The following ATG16L1 variants were observed in gnomAD, a reference collection of about 807,000 sequenced individuals.
ATG16L1 encodes the protein autophagy related 16 like 1.
ATG16L1 carries 37 observed loss-of-function variants against 88.5 expected under a neutral mutation model. The observed-to-expected ratio is 0.42, with a 90% CI of 0.32 to 0.55. The LOEUF (loss-of-function observed/expected upper bound fraction) is 0.55, where lower values mean the gene tolerates loss of function less well. ATG16L1 is among the 20% of genes least tolerant of loss of function. The pLI is 0.13. For missense variants in ATG16L1, 554 were observed against 752.8 expected (o/e 0.74, Z 3.09); for synonymous variants, 301 against 281.0 (o/e 1.07, Z -0.71).
chr2:233,274,741 A>G lies in ATG16L1; in HGVS notation c.917A>G (p.Lys306Arg). The part of the protein sequence containing the change: ...DNVDTHPGSG[K>R]EVRVPATALC... ...GTGGATACTCATCCTGGTTCTGGTA[A>G]AGAAGTGAGGGTACCAGCTACTGCC... Residue 306 changes from lysine to arginine, a missense_variant, in exon 9 of 18, where the codon AAA (lysine) becomes AGA (arginine). By Grantham distance (26) the Lys-to-Arg change is conservative. Coordinates refer to ENST00000392017, the MANE Select transcript of ATG16L1 (RefSeq NM_030803.7). The G allele has an allele frequency of 6.2e-7, 1 of 1,612,858 alleles. No individual in the cohort carries two copies. Among genetic ancestry groups the G allele is most frequent in the Non-Finnish European group, 8.5e-7 (1 of 1,178,986 alleles).
intron 2 of ATG16L1, among the ~76,000 whole-genome samples, chr2:233,260,270 G>A (rs573236333): frequency 3.3e-5 from 5 of 152,334 alleles, no homozygotes; most frequent in African/African-American, 9.6e-5. Flanking sequence ...TTTATTCTAA[G>A]CACGGTTCCT....
At chr2:233,289,377 A>ATTGTGTGTGTGTGTG (rs1553608984) in intron 12 of ATG16L1, among the ~76,000 whole-genome samples, 1 of 129,060 alleles carries the variant, frequency 7.7e-6, no homozygotes, top group Admixed American at 7.7e-5. Flanking sequence ...CCTGTTTGGG[A>ATTGTGTGTGTGTGTG]TGTGTGTGTG....
At chr2:233,291,847 T>C (rs564980979) in intron 14 of ATG16L1, among the ~76,000 whole-genome samples, 18 of 152,326 alleles carry the variant, frequency 1.2e-4, no homozygotes, top group Admixed American at 9.2e-4. Flanking sequence ...CCTAGTTAGC[T>C]CATGCTGATC....
rs1420735648 is a variant in ATG16L1 at position 233,290,037 on chromosome 2, T to C, written c.1324+63T>C. 4.4e-6 allele frequency: 7 copies of C among 1,597,658 alleles called. No individual in the cohort carries two copies. The East Asian group carries it at 1.1e-4, about 26-fold the overall frequency. Reference sequence around the variant, plus strand: ...AGATGTTAGCGTGGAGGTGTGTGTTTGCACGTCAGAGCCTGCATTTATGTA... The same window carrying C: ...AGATGTTAGCGTGGAGGTGTGTGTTCGCACGTCAGAGCCTGCATTTATGTA... On this transcript the variant is annotated intron_variant, in intron 13 of 17. Coordinates refer to ENST00000392017, the MANE Select transcript of ATG16L1 (RefSeq NM_030803.7).
intron 4 of ATG16L1, among the ~76,000 whole-genome samples, chr2:233,264,669 G>A (rs1050468979): frequency 1.3e-5 from 2 of 152,098 alleles, no homozygotes; most frequent in Admixed American, 6.5e-5. Flanking sequence ...TCTAAGCATC[G>A]AAAGTTTCTC....
intron 5 of ATG16L1, among the ~76,000 whole-genome samples, chr2:233,266,394 A>G (rs1170960496): frequency 3.3e-5 from 5 of 152,170 alleles, no homozygotes; most frequent in African/African-American, 9.7e-5. Flanking sequence ...AGTAGGTTAA[A>G]GCAACAGTGA....
intron 1 of ATG16L1, among the ~76,000 whole-genome samples, chr2:233,253,332 G>GTTTTTTTTTTTTTTTTT (rs570754671): frequency 3.5e-5 from 4 of 112,890 alleles, no homozygotes; most frequent in African/African-American, 1.0e-4. Context: ...GTGAGACTGG[G>GTTTTTTTTTTTTTTTTT]TTTTTTTGTT....
At position 233,274,711 on chromosome 2, in the gene ATG16L1, A is replaced by G. The variant is rs1197262857; in HGVS notation, c.887A>G (p.Asp296Gly). Residue 296 changes from aspartate (D) to glycine (G), a missense_variant, in exon 9 of 18, where the codon GAC becomes GGC. Asp to Gly is a moderately conservative substitution (Grantham distance 94). Coordinates refer to ENST00000392017, the MANE Select transcript of ATG16L1 (RefSeq NM_030803.7). ...GTCTCTTCCTTCCCAGTCCCCCAGGACAATGTGGATACTCATCCTGGTTCT... is the reference window on the plus strand; with the variant it reads ...GTCTCTTCCTTCCCAGTCCCCCAGGGCAATGTGGATACTCATCCTGGTTCT... ...RSVSSFPVPQ[D>G]NVDTHPGSGK... 6.2e-7 allele frequency: 1 copy of G among 1,612,398 alleles called. No homozygotes were observed. Among genetic ancestry groups the G allele is most frequent in the Non-Finnish European group, 8.5e-7 (1 of 1,178,544 alleles).
At chr2:233,283,317 G>A (rs1350937495) in intron 12 of ATG16L1, among the ~76,000 whole-genome samples, 1 of 152,106 alleles carries the variant, frequency 6.6e-6, no homozygotes, top group African/African-American at 2.4e-5. Flanking sequence ...TGGGGCAGGG[G>A]GCGGAGGGCG....
chr2:233,270,129 G>GTT, intron 6 of ATG16L1, 62 bp downstream of exon 6: 1 of 1,465,492 alleles, frequency 6.8e-7, no homozygotes, highest in South Asian at 1.4e-5. Flanking sequence ...TAAAAGTTTT[G>GTT]TTTTTATTTT....
intron 12 of ATG16L1, among the ~76,000 whole-genome samples, chr2:233,284,690 G>A (rs1467012365): frequency 4.0e-5 from 6 of 151,872 alleles, no homozygotes; most frequent in Admixed American, 1.3e-4. Flanking sequence ...GGCTGGTCTC[G>A]AACTCCTGAC....
At chr2:233,279,800 G>A (rs1299792841) in intron 10 of ATG16L1, among the ~76,000 whole-genome samples, 1 of 151,288 alleles carries the variant, frequency 6.6e-6, no homozygotes, top group African/African-American at 2.4e-5. Flanking sequence ...GTTTTAATAC[G>A]GTCTTTGTTC....
At chr2:233,281,484 A>G (rs1698717540) in intron 11 of ATG16L1, among the ~76,000 whole-genome samples, 1 of 152,168 alleles carries the variant, frequency 6.6e-6, no homozygotes. Context: ...ACCCTCCGAG[A>G]TTCGCCATCT....
At chr2:233,252,196 C>T (rs1696421154) in intron 1 of ATG16L1, among the ~76,000 whole-genome samples, 1 of 152,194 alleles carries the variant, frequency 6.6e-6, no homozygotes. Context: ...TTTGTAAATC[C>T]CAGTAGCTCA....
chr2:233,282,618 A>G (rs1698792766), intron 11 of ATG16L1, 64 bp from the exon 12 acceptor site: 1 of 1,377,604 alleles, frequency 7.3e-7, no homozygotes, highest in Non-Finnish European at 1.0e-6. Flanking sequence ...GGGAATTTAT[A>G]TCGTGTGAAC....
At chr2:233,292,553 T>C in intron 16 of ATG16L1, 119 bp downstream of exon 16, 1 of 1,264,576 alleles carries the variant, frequency 7.9e-7, no homozygotes, top group Non-Finnish European at 1.1e-6. Context: ...TTTCCAGGAG[T>C]GTGCCTGTAA....
intron 2 of ATG16L1, among the ~76,000 whole-genome samples, chr2:233,257,935 G>A (rs1435815088): frequency 6.6e-6 from 1 of 150,432 alleles, no homozygotes; most frequent in African/African-American, 2.4e-5. Flanking sequence ...CTGGGAGGCG[G>A]AAGTTGCAGT....
At chr2:233,268,722 A>G (rs899904629) in intron 5 of ATG16L1, among the ~76,000 whole-genome samples, 2 of 152,156 alleles carry the variant, frequency 1.3e-5, no homozygotes, top group African/African-American at 2.4e-5. Context: ...ATTTGGATAA[A>G]TTGTATTTTT....
chr2:233,273,994 G>T, intron 8 of ATG16L1: 1 of 1,551,054 alleles, frequency 6.4e-7, no homozygotes, highest in Non-Finnish European at 8.7e-7. Flanking sequence ...CCTTTAGTCT[G>T]TCCGAGTCTC....
Sources: gnomAD v4.1 joint callset for allele counts (sites outside exome capture counted in the v4.1 genomes callset) on GRCh38, gnomAD v4.1.1 for gene constraint, MANE v1.5 for transcripts, NCBI Gene and HGNC (gene_info 2026-07-23, HGNC 2026-07-21) for gene names.